INPP4B: variants seen among roughly 807,000 people sequenced by gnomAD.
The protein encoded by INPP4B is inositol polyphosphate 4-phosphatase type II.
Under a neutral mutation model 122.5 loss-of-function variants are expected in INPP4B, and 55 were observed. The ratio of observed to expected loss-of-function variants is 0.45; its 90% CI spans 0.36 to 0.56. The LOEUF (loss-of-function observed/expected upper bound fraction) is 0.56, where lower values mean the gene tolerates loss of function less well. Among genes scored for constraint, INPP4B ranks in the 20% least tolerant of loss-of-function variants. The pLI, the probability that INPP4B is intolerant of heterozygous loss-of-function variation, is 0.00. For synonymous variants in INPP4B, 403 were observed against 388.7 expected (o/e 1.04, Z -0.43); for missense variants, 1,000 against 1,097.7 (o/e 0.91, Z 1.26).
At chr4:142,630,783 C>T (rs1747761454) in intron 2 of INPP4B, among the ~76,000 whole-genome samples, 1 of 152,076 alleles carries the variant, frequency 6.6e-6, no homozygotes, top group Non-Finnish European at 1.5e-5. Flanking sequence ...AGGTACAGTA[C>T]ACTTACCTAC....
At chr4:142,798,369 A>G (rs553506044) in intron 1 of INPP4B, among the ~76,000 whole-genome samples, 13 of 152,014 alleles carry the variant, frequency 8.6e-5, no homozygotes, top group African/African-American at 2.9e-4. Context: ...TTAGCTCATC[A>G]TCTTTAGCAT....
At chr4:142,040,175 G>C (rs1035234538) in intron 25 of INPP4B, among the ~76,000 whole-genome samples, 5 of 152,252 alleles carry the variant, frequency 3.3e-5, no homozygotes, top group Non-Finnish European at 7.4e-5. Context: ...GCAGTGACAG[G>C]AGAGAAGACA....
intron 5 of INPP4B, among the ~76,000 whole-genome samples, chr4:142,414,796 A>C (rs572335766): frequency 3.5e-4 from 54 of 152,324 alleles, no homozygotes; most frequent in Non-Finnish European, 6.3e-4. Flanking sequence ...AGCACCGCCT[A>C]TCGTTGCATT....
At chr4:142,210,635 G>C (rs918265374) in intron 12 of INPP4B, among the ~76,000 whole-genome samples, 6 of 152,158 alleles carry the variant, frequency 3.9e-5, no homozygotes, top group African/African-American at 9.7e-5. Context: ...CAATTAGGTT[G>C]AATCTGAGAT....
intron 3 of INPP4B, among the ~76,000 whole-genome samples, chr4:142,458,097 T>G (rs1815874785): frequency 6.6e-6 from 1 of 152,084 alleles, no homozygotes. Flanking sequence ...AATTTTACAG[T>G]GATAAACCTG....
At chr4:142,618,981 G>C (rs752665855) in intron 2 of INPP4B, among the ~76,000 whole-genome samples, 15 of 151,966 alleles carry the variant, frequency 9.9e-5, no homozygotes, top group Non-Finnish European at 8.8e-5. Flanking sequence ...ACAGATATAT[G>C]AAATGCTGCC....
intron 14 of INPP4B, among the ~76,000 whole-genome samples, chr4:142,207,399 T>G (rs1843004653): frequency 6.6e-6 from 1 of 152,178 alleles, no homozygotes. Flanking sequence ...CCAGTTTACA[T>G]TTTCACTAAC....
chr4:142,841,456 G>A (rs757624164), intron 1 of INPP4B, among the ~76,000 whole-genome samples: 28 of 152,084 alleles, frequency 1.8e-4, no homozygotes, highest in Non-Finnish European at 3.1e-4. Context: ...TGGTCAGGGA[G>A]TATATTCTAT....
intron 16 of INPP4B, among the ~76,000 whole-genome samples, chr4:142,161,956 C>T (rs185979106): frequency 5.3e-4 from 81 of 151,930 alleles, no homozygotes; most frequent in African/African-American, 1.9e-3. Context: ...TTCCACACTA[C>T]TCACCACCCG....
At chr4:142,437,119 A>G (rs532627567) in intron 3 of INPP4B, among the ~76,000 whole-genome samples, 157 of 152,146 alleles carry the variant, frequency 1.0e-3, no homozygotes, top group African/African-American at 3.6e-3. Flanking sequence ...AAGCATACAC[A>G]AGTATCCATA....
intron 2 of INPP4B, among the ~76,000 whole-genome samples, chr4:142,530,003 T>C (rs1270372349): frequency 6.6e-6 from 1 of 152,030 alleles, no homozygotes; most frequent in Non-Finnish European, 1.5e-5. Flanking sequence ...GAAAGCTACA[T>C]AGGAACATGC....
chr4:142,257,012 C>G (rs1207685141), intron 11 of INPP4B, among the ~76,000 whole-genome samples: 1 of 152,212 alleles, frequency 6.6e-6, no homozygotes. Context: ...CCACCATGAT[C>G]AAGTGGGTTT....
In INPP4B at chr4:142,084,945, C is replaced by T. The variant is rs189082417; in HGVS notation, c.2487+1199G>A. 2.0e-4 allele frequency among the ~76,000 whole-genome samples: 31 copies of T among 152,228 alleles called. No individual in the cohort carries two copies. In the East Asian group the frequency reaches 5.6e-3, roughly 27 times the overall value. Reference sequence around the variant, plus strand: ...AATAGAAAATCCAATTTATGACCTACCATTGTGAAATTTTTGTTAGAATTA... The same window carrying T: ...AATAGAAAATCCAATTTATGACCTATCATTGTGAAATTTTTGTTAGAATTA... On this transcript the variant is annotated intron_variant, in intron 24 of 25. Coordinates refer to ENST00000262992, the MANE Select transcript of INPP4B (RefSeq NM_001101669.3).
At chr4:142,713,359 A>G (rs1052850347) in intron 2 of INPP4B, among the ~76,000 whole-genome samples, 1 of 152,228 alleles carries the variant, frequency 6.6e-6, no homozygotes, top group African/African-American at 2.4e-5. Flanking sequence ...TAGGTAGAAT[A>G]CAGAATCATA....
chr4:142,386,573 C>G (rs989675848), intron 7 of INPP4B, among the ~76,000 whole-genome samples: 4 of 152,202 alleles, frequency 2.6e-5, no homozygotes, highest in African/African-American at 4.8e-5. Context: ...AATACTTCAA[C>G]CACTTGAACA....
intron 16 of INPP4B, among the ~76,000 whole-genome samples, chr4:142,162,026 T>C (rs957942222): frequency 2.0e-5 from 3 of 151,862 alleles, no homozygotes; most frequent in Admixed American, 2.0e-4. Flanking sequence ...ACTTTCCAAG[T>C]GTTTTGAACA....
intron 2 of INPP4B, among the ~76,000 whole-genome samples, chr4:142,594,812 G>A (rs1560842690): frequency 1.3e-5 from 2 of 151,842 alleles, no homozygotes; most frequent in South Asian, 2.1e-4. Flanking sequence ...AAAATTAGCC[G>A]AGTGTGGTGG....
chr4:142,608,250 T>C (rs1580489170), intron 2 of INPP4B, among the ~76,000 whole-genome samples: 2 of 152,178 alleles, frequency 1.3e-5, no homozygotes, highest in African/African-American at 4.8e-5. Flanking sequence ...CCAGGACTTC[T>C]TTCCTTTATT....
chr4:142,188,852 G>T (rs1389241211), intron 15 of INPP4B, among the ~76,000 whole-genome samples: 1 of 152,132 alleles, frequency 6.6e-6, no homozygotes, highest in Non-Finnish European at 1.5e-5. Context: ...TGTTACTGGA[G>T]AAGGCATAGA....
Sources: allele counts gnomAD v4.1 joint callset (sites outside exome capture counted in the v4.1 genomes callset), GRCh38; gene constraint gnomAD v4.1.1; transcripts MANE v1.5; gene names NCBI Gene and HGNC (gene_info 2026-07-23, HGNC 2026-07-21).